The following SCN11A variants were observed in gnomAD, a reference collection of about 807,000 sequenced individuals.
SCN11A encodes the protein sodium voltage-gated channel alpha subunit 11, also known as sodium channel protein type 11 subunit alpha.
Under a neutral mutation model 162.2 loss-of-function variants are expected in SCN11A, and 122 were observed. The observed-to-expected ratio is 0.75, with a 90% CI of 0.65 to 0.87. The LOEUF is 0.87. SCN11A is among the 40% of genes least tolerant of loss of function. The pLI, the probability that SCN11A is intolerant of heterozygous loss-of-function variation, is 0.00. For synonymous variants in SCN11A, 758 were observed against 751.5 expected, an observed-to-expected ratio of 1.01 and a Z score of -0.14; for missense variants, 2,015 against 2,181.6, an observed-to-expected ratio of 0.92 and a Z score of 1.52.
intron 2 of SCN11A, among the ~76,000 whole-genome samples, chr3:39,014,178 C>T (rs1351754544): frequency 6.6e-6 from 1 of 152,144 alleles, no homozygotes; most frequent in Non-Finnish European, 1.5e-5. Flanking sequence ...CCACACTGAC[C>T]TTTTCTACTG....
intron 1 of SCN11A, among the ~76,000 whole-genome samples, chr3:39,038,267 T>G (rs1024631806): frequency 1.3e-5 from 2 of 152,178 alleles, no homozygotes; most frequent in African/African-American, 4.8e-5. Context: ...TTTCATGAGG[T>G]TGCAGTCAAG....
At chr3:39,028,156 C>T (rs930261541) in intron 2 of SCN11A, among the ~76,000 whole-genome samples, 1 of 152,178 alleles carries the variant, frequency 6.6e-6, no homozygotes, top group African/African-American at 2.4e-5. Flanking sequence ...CTAGTTGGCC[C>T]ATCTCTAGCC....
intron 2 of SCN11A, among the ~76,000 whole-genome samples, chr3:39,022,878 C>CAA (rs200201040): frequency 1.4e-5 from 2 of 143,206 alleles, no homozygotes; most frequent in African/African-American, 5.1e-5. Context: ...GACCCTGTCT[C>CAA]AAAAAAAAAA....
chr3:39,037,985 G>A (rs2031951205), intron 1 of SCN11A, among the ~76,000 whole-genome samples: 1 of 152,160 alleles, frequency 6.6e-6, no homozygotes, highest in African/African-American at 2.4e-5. Context: ...ATTCTGCCAG[G>A]ACAAGCCTCC....
intron 28 of SCN11A, among the ~76,000 whole-genome samples, chr3:38,852,352 G>T (rs541340819): frequency 5.9e-5 from 9 of 152,232 alleles, no homozygotes; most frequent in African/African-American, 1.9e-4. Flanking sequence ...CTGGAGAAAA[G>T]GTGCACTCCA....
In SCN11A at chr3:38,908,040, A is replaced by T; in HGVS notation, c.1382T>A (p.Phe461Tyr). The change falls in exon 14 of 30, where the codon TTT (phenylalanine) becomes TAT (tyrosine). Residue 461 changes from phenylalanine (F) to tyrosine (Y), a missense_variant. Coordinates refer to ENST00000302328, the MANE Select transcript of SCN11A (RefSeq NM_001349253.2). ...GAAGGACTTCCTTTTCTTATTACCA[A>T]AGAGCTTTCTCTTTTTTGGGGTAAA... ...SYFTPKKRKL[F>Y]GNKKRKSFFL... 6.2e-7 allele frequency: 1 copy of T among 1,613,678 alleles called. No homozygotes were observed.
rs181045752 is a variant in SCN11A, at chr3:39,001,817, G to A, written c.-280+30563C>T. Among the ~76,000 whole-genome samples the A allele has an allele frequency of 4.8e-3, 735 of 152,174 alleles. 3 individuals carry two copies. The highest frequency in any genetic ancestry group is 0.016 in the African/African-American group (676 of 41,512). On this transcript the variant is annotated intron_variant, in intron 2 of 29. Transcript: ENST00000302328. Reference sequence around the variant, plus strand: ...TGGGAGGCCAAGGTGGGCGGATCACGAGGTCAGGAGGTCGAGACCATCCTG... The same window carrying A: ...TGGGAGGCCAAGGTGGGCGGATCACAAGGTCAGGAGGTCGAGACCATCCTG...
chr3:38,947,073 G>A (rs2066529512), intron 5 of SCN11A, among the ~76,000 whole-genome samples, 166 bp from the exon 6 acceptor site: 1 of 152,164 alleles, frequency 6.6e-6, no homozygotes, highest in Non-Finnish European at 1.5e-5. Flanking sequence ...AATCAGAGAT[G>A]GAAAACACAG....
chr3:38,863,326 AC>A (rs2064995213), intron 27 of SCN11A, 27 bp from the exon 28 acceptor site: 2 of 1,168,968 alleles, frequency 1.7e-6, no homozygotes, highest in East Asian at 4.7e-5. Context: ...AGAGCTAATT[AC>A]CTTTAACAGT....
intron 11 of SCN11A, among the ~76,000 whole-genome samples, chr3:38,917,838 C>G (rs139518638): frequency 0.012 from 1,855 of 152,242 alleles, 38 homozygotes; most frequent in African/African-American, 0.042. Context: ...GCACCAAAAT[C>G]TCAGAAATTA....
intron 2 of SCN11A, among the ~76,000 whole-genome samples, chr3:39,026,431 C>T (rs1400081971): frequency 6.6e-6 from 1 of 152,188 alleles, no homozygotes; most frequent in African/African-American, 2.4e-5. Context: ...GGAGTTCTCC[C>T]TTTTCCCATC....
intron 1 of SCN11A, among the ~76,000 whole-genome samples, chr3:39,048,864 A>G (rs563691863): frequency 2.0e-5 from 3 of 152,362 alleles, no homozygotes; most frequent in Non-Finnish European, 4.4e-5. Flanking sequence ...CTGTGGAAAG[A>G]TCATGAGAAG....
chr3:38,932,388 G>A (rs900691510), intron 7 of SCN11A, among the ~76,000 whole-genome samples: 3 of 152,170 alleles, frequency 2.0e-5, no homozygotes, highest in African/African-American at 4.8e-5. Context: ...TGGGTGCAGC[G>A]CACCGTGCAT....
At chr3:38,948,258 C>A (rs1227709351) in intron 5 of SCN11A, among the ~76,000 whole-genome samples, 1 of 152,202 alleles carries the variant, frequency 6.6e-6, no homozygotes, top group Admixed American at 6.5e-5. Flanking sequence ...ATGAGTCACC[C>A]CACATTAATA....
At chr3:39,042,974 A>G (rs77203676) in intron 1 of SCN11A, among the ~76,000 whole-genome samples, 45 of 103,672 alleles carry the variant, frequency 4.3e-4, no homozygotes, top group East Asian at 1.6e-3. Flanking sequence ...AAAAAAAAAA[A>G]AAAAAGAAAA....
rs183516224 is a variant in SCN11A, at chr3:38,883,119, G to A, written c.3219+114C>T. ...CCCACTGCGGGAACCAGCAGCATCAGAGACCACTTCTGTCTGGTCTCCCAT... is the reference window on the plus strand; with the variant it reads ...CCCACTGCGGGAACCAGCAGCATCAAAGACCACTTCTGTCTGGTCTCCCAT... On this transcript the variant is annotated intron_variant, in intron 22 of 29. Coordinates refer to ENST00000302328, the MANE Select transcript of SCN11A (RefSeq NM_001349253.2). The A allele has an allele frequency of 6.0e-5, 55 of 910,564 alleles. No homozygotes were observed. The East Asian group carries it at 1.2e-3, about 20-fold the overall frequency. The allele number at this position is 910,564 out of a possible 1,614,324, so 56.4% of individuals were successfully genotyped here.
chr3:38,905,339 G>C lies in SCN11A; in HGVS notation c.1474-18C>G, dbSNP rs770504857. The C allele has an allele frequency of 6.2e-7, 1 of 1,607,758 alleles. No individual in the cohort carries two copies. The highest frequency in any genetic ancestry group is 2.2e-5 in the East Asian group (1 of 44,678). On this transcript the variant is annotated intron_variant, in intron 14 of 29. Coordinates refer to ENST00000302328, the MANE Select transcript of SCN11A (RefSeq NM_001349253.2). Reference sequence around the variant, plus strand: ...AGCTGTGGCTGTAAGAGAAGGCATAGGGCACCTTCTAAAGACAGGGGCTGC... The same window carrying C: ...AGCTGTGGCTGTAAGAGAAGGCATACGGCACCTTCTAAAGACAGGGGCTGC...
At chr3:39,018,202 T>G (rs1448905267) in intron 2 of SCN11A, among the ~76,000 whole-genome samples, 3 of 152,342 alleles carry the variant, frequency 2.0e-5, no homozygotes, top group African/African-American at 7.2e-5. Context: ...TAGAAACTTC[T>G]TTTCCTGACC....
chr3:38,896,762 G>A (rs2065603023), intron 18 of SCN11A, 83 bp downstream of exon 18: 1 of 1,107,190 alleles, frequency 9.0e-7, no homozygotes, highest in Non-Finnish European at 1.2e-6. Context: ...ATTTTTACTA[G>A]TAAAGTTTTG....
Sources: allele counts gnomAD v4.1 joint callset (sites outside exome capture counted in the v4.1 genomes callset), GRCh38; gene constraint gnomAD v4.1.1; transcripts MANE v1.5; gene names NCBI Gene and HGNC (gene_info 2026-07-23, HGNC 2026-07-21).